Variants in PXDN observed in about 807,000 individuals in gnomAD.
The protein encoded by PXDN is peroxidasin homolog.
In PXDN, 77 loss-of-function variants were observed where a neutral mutation model predicts 140.3. The ratio of observed to expected loss-of-function variants is 0.55; its 90% CI spans 0.46 to 0.66. The LOEUF is 0.66. Ranked by LOEUF, PXDN falls within the 30% of genes least tolerant of loss-of-function variation. The pLI is 0.00. For synonymous variants in PXDN, 911 were observed against 857.4 expected (o/e 1.06, Z -1.09); for missense variants, 1,838 against 2,039.5 (o/e 0.90, Z 1.90).
At chr2:1,683,199 T>C (rs909713607) in intron 6 of PXDN, among the ~76,000 whole-genome samples, 21 of 148,316 alleles carry the variant, frequency 1.4e-4, no homozygotes, top group African/African-American at 5.0e-4. Context: ...CTGGGCAACA[T>C]GGCAAAACCC....
At position 1,648,154 on chromosome 2, in the gene PXDN, A is replaced by ACAGCCTCTT; in HGVS notation, c.3608+9_3608+17dup. 1 of 1,605,478 alleles carries ACAGCCTCTT rather than the reference A, an allele frequency of 6.2e-7. No homozygotes were observed. The highest frequency in any genetic ancestry group is 8.5e-7 in the Non-Finnish European group (1 of 1,174,082). The stretch of plus-strand genomic sequence containing the variant: ...TGCCTAGGTACACGAGCCATCCCAC[A>ACAGCCTCTT]CAGCCTCTTCAGCTCACCTTTTCAG... On this transcript the variant is annotated intron_variant, in intron 17 of 22. Transcript: ENST00000252804. This position sits in a 1 kb window ranked among gnomAD's most constrained non-coding sequence, Gnocchi z 8.9.
At chr2:1,719,054 C>G (rs1684956768) in intron 1 of PXDN, among the ~76,000 whole-genome samples, 1 of 152,258 alleles carries the variant, frequency 6.6e-6, no homozygotes, top group South Asian at 2.1e-4. Context: ...AGCAGCCGAG[C>G]TGAGACGCCA....
chr2:1,744,531 G>T, upstream of PXDN: 5 of 1,246,116 alleles, frequency 4.0e-6, no homozygotes, highest in Non-Finnish European at 5.1e-6. Context: ...CCCGGCCGCG[G>T]CCCACGTCCC....
At chr2:1,721,840 C>T (rs1016039206) in intron 1 of PXDN, among the ~76,000 whole-genome samples, 2 of 139,788 alleles carry the variant, frequency 1.4e-5, no homozygotes, top group Admixed American at 7.4e-5. Context: ...TAAATAAAAG[C>T]CTCAAATCAG....
At chr2:1,677,313 T>C (rs750226963) in intron 7 of PXDN, among the ~76,000 whole-genome samples, 1 of 152,202 alleles carries the variant, frequency 6.6e-6, no homozygotes, top group Non-Finnish European at 1.5e-5. Context: ...CAGCCCCAAA[T>C]GACAGCCTTC....
rs538972105 is a variant in PXDN at position 1,660,965 on chromosome 2, C to T, written c.1753G>A (p.Gly585Ser). 1 of 1,613,984 alleles carries T rather than the reference C, an allele frequency of 6.2e-7. No homozygotes were observed. Among genetic ancestry groups the T allele is most frequent in the African/African-American group, 1.3e-5 (1 of 75,036 alleles). Residue 585 changes from glycine (G) to serine (S), a missense_variant, in exon 14 of 23, where the codon GGC (glycine) becomes AGC (serine). By Grantham distance (56) the Gly-to-Ser change is moderately conservative (BLOSUM62 0). Coordinates refer to ENST00000252804, the MANE Select transcript of PXDN (RefSeq NM_012293.3). This position sits in a 1 kb window ranked among gnomAD's most constrained non-coding sequence, Gnocchi z 4.6. The part of the protein sequence containing the change: ...PEGFLTINDV[G>S]PADAGRYECV... ...TCATAGCGACCTGCGTCTGCAGGGC[C>T]AACGTCATTGATGGTCAAGAATCCT...
At chr2:1,725,350 G>A (rs1323936617) in intron 1 of PXDN, among the ~76,000 whole-genome samples, 2 of 152,066 alleles carry the variant, frequency 1.3e-5, no homozygotes, top group Non-Finnish European at 2.9e-5. Context: ...TTAATAAATG[G>A]TGCTGGGAAA....
rs201171596 is a variant in PXDN at position 1,711,583 on chromosome 2, A to ACTCTCCACCAGCATCCACT, written c.201-18450_201-18449insAGTGGATGCTGGTGGAGAG. On this transcript the variant is annotated intron_variant, in intron 1 of 22. Transcript: ENST00000252804. The stretch of plus-strand genomic sequence containing the variant: ...CAGCATCCACTCTCCACCAGCACCC[A>ACTCTCCACCAGCATCCACT]CTCCACCAGCACCCACTCTCCACCA... Among the ~76,000 whole-genome samples, 10 of 66,714 alleles carry ACTCTCCACCAGCATCCACT rather than the reference A, an allele frequency of 1.5e-4. 1 individual carries two copies. In the South Asian group the frequency reaches 1.8e-3, roughly 12 times the overall value. 43.8% of individuals were successfully genotyped at this position (66,714 alleles called of 152,430 possible).
At chr2:1,634,379 C>G in intron 22 of PXDN, 56 bp from the exon 23 acceptor site, 1 of 1,519,048 alleles carries the variant, frequency 6.6e-7, no homozygotes, top group Non-Finnish European at 8.9e-7. Context: ...TTCAGGTGAG[C>G]AAAGCCTGTC....
At chr2:1,672,897 G>A (rs1395973090) in intron 9 of PXDN, among the ~76,000 whole-genome samples, 1 of 152,214 alleles carries the variant, frequency 6.6e-6, no homozygotes, top group Admixed American at 6.5e-5. Flanking sequence ...AGTTACACCT[G>A]CAGCCTCCCT....
chr2:1,648,896 C>A lies in PXDN; in HGVS notation c.2884G>T (p.Asp962Tyr). Residue 962 changes from aspartate to tyrosine, a missense_variant, in exon 17 of 23, where the codon GAC becomes TAC. Asp to Tyr is a radical substitution (Grantham distance 160, BLOSUM62 -3). This residue lies in a region of PXDN where 850 missense variants were observed against 894.1 expected (regional missense o/e 0.95). Coordinates refer to ENST00000252804, the MANE Select transcript of PXDN (RefSeq NM_012293.3). The surrounding 1 kb of genome is among the most constrained non-coding windows in gnomAD (Gnocchi z 8.9). ...ATGPPTECMR[D>Y]ENESPIPCFL... ...CAGGGGATGGGGCTCTCGTTCTCGT[C>A]CCGCATGCACTCCGTGGGCGGCCCG... 1 of 1,600,732 alleles carries A rather than the reference C, an allele frequency of 6.2e-7. No individual in the cohort carries two copies.
intron 1 of PXDN, among the ~76,000 whole-genome samples, chr2:1,704,737 G>C (rs1307543085): frequency 6.6e-6 from 1 of 152,058 alleles, no homozygotes; most frequent in East Asian, 1.9e-4. Flanking sequence ...GCACTGTCTT[G>C]AGTTTCTGAT....
At chr2:1,656,832 C>G (rs1473455652) in intron 14 of PXDN, among the ~76,000 whole-genome samples, 1 of 149,910 alleles carries the variant, frequency 6.7e-6, no homozygotes, top group Non-Finnish European at 1.5e-5. Context: ...GGGACCGAAA[C>G]CTGTACCCTC....
rs1275657391 is a variant in PXDN at position 1,714,367 on chromosome 2, AGAG to A, written c.201-21236_201-21234del. Among the ~76,000 whole-genome samples the A allele has an allele frequency of 6.6e-6, 1 of 152,098 alleles. No individual in the cohort carries two copies. The highest frequency in any genetic ancestry group is 1.5e-5 in the Non-Finnish European group (1 of 68,026). ...TGGCCCACTCGCTCCCATGCCTTTG[AGAG>A]GAGATCAGGTCTTGCCTCTGCCAAG... On this transcript the variant is annotated intron_variant, in intron 1 of 22. Coordinates refer to ENST00000252804, the MANE Select transcript of PXDN (RefSeq NM_012293.3). The surrounding 1 kb of genome is among the most constrained non-coding windows in gnomAD (Gnocchi z 4.3).
intron 14 of PXDN, among the ~76,000 whole-genome samples, chr2:1,655,029 CCACACACCACACA>C (rs1683097159): frequency 2.0e-5 from 3 of 151,726 alleles, no homozygotes; most frequent in Admixed American, 2.0e-4. Flanking sequence ...CTCACACACA[CCACACACCACACA>C]CACACAATCA....
Position 1,713,189 on chromosome 2 carries a change from G to A in PXDN, c.201-20055C>T, listed in dbSNP as rs111974259. On this transcript the variant is annotated intron_variant, in intron 1 of 22. Coordinates refer to ENST00000252804, the MANE Select transcript of PXDN (RefSeq NM_012293.3). ...CCTGCCACCCTCCCACCTCTCTCGC[G>A]TCACAAGCAGGGCCCTCAGGATTCA... Among the ~76,000 whole-genome samples the A allele has an allele frequency of 1.1e-3, 167 of 152,156 alleles. 1 individual carries two copies. Among genetic ancestry groups the A allele is most frequent in the African/African-American group, 3.6e-3 (149 of 41,518 alleles).
At chr2:1,675,647 C>T (rs891395325) in intron 8 of PXDN, among the ~76,000 whole-genome samples, 3 of 152,196 alleles carry the variant, frequency 2.0e-5, no homozygotes, top group Non-Finnish European at 2.9e-5. Flanking sequence ...ACACATCTTC[C>T]CATTCTGTTC....
In PXDN at chr2:1,654,443, C is replaced by T; in HGVS notation, c.1903G>A (p.Val635Ile). 3 of 1,613,844 alleles carry T rather than the reference C, an allele frequency of 1.9e-6. No homozygotes were observed. Among genetic ancestry groups the T allele is most frequent in the Non-Finnish European group, 2.5e-6 (3 of 1,179,748 alleles). ...CGGGTTGAGTTTATAGCTCTGTCAA[C>T]AGTCGCAATCGCTTCCACGATGGAG... ...ATSIVEAIAT[V>I]DRAINSTRTH... is the part of the protein sequence containing the mutation. The change falls in exon 15 of 23, where the codon GTT (valine) becomes ATT (isoleucine). Residue 635 changes from valine to isoleucine, a missense_variant. This residue lies in a region of PXDN where 537 missense variants were observed against 583.9 expected (regional missense o/e 0.92). Coordinates refer to ENST00000252804, the MANE Select transcript of PXDN (RefSeq NM_012293.3).
Position 1,721,049 on chromosome 2 carries a change from C to A in PXDN, c.200+23207G>T, listed in dbSNP as rs372576073. Reference sequence around the variant, plus strand: ...ACTAACTGGACGAGGTCCACCCACACCACAGAGGACAGTCGGCTCTACTCA... The same window carrying A: ...ACTAACTGGACGAGGTCCACCCACAACACAGAGGACAGTCGGCTCTACTCA... On this transcript the variant is annotated intron_variant, in intron 1 of 22. Transcript: ENST00000252804. Among the ~76,000 whole-genome samples the A allele has an allele frequency of 2.6e-5, 4 of 152,328 alleles. No homozygotes were observed. The East Asian group carries it at 7.7e-4, about 29-fold the overall frequency.
Sources: allele counts gnomAD v4.1 joint callset (sites outside exome capture counted in the v4.1 genomes callset), GRCh38; gene constraint gnomAD v4.1.1; regional missense constraint gnomAD v4.1.1; non-coding constraint Gnocchi (gnomAD v3.1); transcripts MANE v1.5; gene names NCBI Gene and HGNC (gene_info 2026-07-23, HGNC 2026-07-21).